NLRP7: variants seen among roughly 807,000 people sequenced by gnomAD.
NLRP7 encodes the protein NACHT, LRR and PYD domains-containing protein 7.
A neutral mutation model predicts 85.5 loss-of-function variants in NLRP7; 72 were observed. The ratio of observed to expected loss-of-function variants is 0.84; its 90% CI spans 0.70 to 1.02. The LOEUF is 1.02. Among genes scored for constraint, NLRP7 ranks in the 50% least tolerant of loss-of-function variants. The pLI is 0.00. For synonymous variants in NLRP7, 550 were observed against 505.2 expected (o/e 1.09, Z -1.19); for missense variants, 1,243 against 1,219.5 (o/e 1.02, Z -0.29).
exon 4 of NLRP7, chr19:54,939,739 G>C: frequency 6.2e-7 from 1 of 1,613,618 alleles, no homozygotes; most frequent in Non-Finnish European, 8.5e-7. Context: ...CGGGGGCCGA[G>C]CCCAGCTGGA....
rs182746154 is a variant in NLRP7 at position 54,963,727 on chromosome 19, G to A, written c.-77+2313C>T. Among the ~76,000 whole-genome samples the A allele has an allele frequency of 3.8e-4, 58 of 150,964 alleles. No individual in the cohort carries two copies. In the East Asian group the frequency reaches 6.5e-3, roughly 17 times the overall value. On this transcript the variant is annotated intron_variant, in intron 1 of 2. Transcript: ENST00000587103. Reference sequence around the variant, plus strand: ...TAATCCCAGCTATTCAGGAGGCTGAGGCAGGAGAATCGCTTGAACTCTGGA... The same window carrying A: ...TAATCCCAGCTATTCAGGAGGCTGAAGCAGGAGAATCGCTTGAACTCTGGA...
At chr19:54,941,826 C>A (rs1174116353) in intron 1 of NLRP7, 76 bp from the exon 2 acceptor site, 1 of 1,089,698 alleles carries the variant, frequency 9.2e-7, no homozygotes. Flanking sequence ...GTGCCAAGAA[C>A]AAGACTGTTC....
chr19:54,923,995 T>TCTTG (rs2068330162), intron 9 of NLRP7, 123 bp from the exon 11 acceptor site: 2 of 1,051,556 alleles, frequency 1.9e-6, no homozygotes, highest in East Asian at 5.0e-5. Context: ...GGGGACAGGG[T>TCTTG]CTTGCTCTGT....
chr19:54,928,832 C>T (rs1324200936), intron 9 of NLRP7, among the ~76,000 whole-genome samples: 1 of 151,634 alleles, frequency 6.6e-6, no homozygotes, highest in Non-Finnish European at 1.5e-5. Flanking sequence ...GGCAGAGTTT[C>T]ACTCTTGTTG....
intron 1 of NLRP7, among the ~76,000 whole-genome samples, chr19:54,960,846 C>G (rs550974967): frequency 3.3e-5 from 5 of 151,970 alleles, no homozygotes; most frequent in South Asian, 4.1e-4. Flanking sequence ...CCGCTTGCCT[C>G]GGCCTCCCAA....
intron 9 of NLRP7, 89 bp downstream of exon 10, chr19:54,927,516 A>G: frequency 7.5e-7 from 1 of 1,327,506 alleles, no homozygotes; most frequent in South Asian, 1.2e-5. Context: ...AGATTGCGCC[A>G]CTGCACTCCA....
In NLRP7 at chr19:54,937,489, C is replaced by T. The variant is rs139808846; in HGVS notation, c.2129+555G>A. Among the ~76,000 whole-genome samples the T allele has an allele frequency of 2.3e-3, 345 of 151,758 alleles. 1 individual carries two copies. Among genetic ancestry groups the T allele is most frequent in the African/African-American group, 8.1e-3 (337 of 41,384 alleles). ...GGCGCATCACCTTAGGTCAGGAGTT[C>T]GAGACAAGCCTGGCCAAGATGGAGA... On this transcript the variant is annotated intron_variant, in intron 5 of 9. Coordinates refer to ENST00000340844, the Ensembl canonical transcript of NLRP7.
chr19:54,939,799 C>G, exon 4 of NLRP7: 1 of 1,614,066 alleles, frequency 6.2e-7, no homozygotes, highest in Non-Finnish European at 8.5e-7. Flanking sequence ...TGGCTTGGTC[C>G]TCGTCTCCAA....
intron 9 of NLRP7, among the ~76,000 whole-genome samples, chr19:54,926,205 G>GGTGTGTGTGC (rs1556723469): frequency 2.8e-5 from 4 of 143,642 alleles, no homozygotes; most frequent in Non-Finnish European, 4.6e-5. Flanking sequence ...AATGATTAGG[G>GGTGTGTGTGC]GTGTGTGTGT....
At chr19:54,938,908 T>G (rs774753955) in exon 4 of NLRP7, 2 of 1,614,096 alleles carry the variant, frequency 1.2e-6, no homozygotes. Flanking sequence ...CAATGTCCAG[T>G]TCAAAATCCA....
At chr19:54,927,919 C>A in intron 9 of NLRP7, 144 bp from the exon 10 acceptor site, 1 of 746,494 alleles carries the variant, frequency 1.3e-6, no homozygotes, top group Non-Finnish European at 2.4e-6. Context: ...CGGTCAAACC[C>A]CATCTCTACT....
rs146993023 is a variant in NLRP7 at position 54,939,327 on chromosome 19, C to T, written c.1492G>A (p.Gly498Arg). 108 of 1,614,124 alleles carry T rather than the reference C, an allele frequency of 6.7e-5. No homozygotes were observed. In the African/African-American group the frequency reaches 1.1e-3, roughly 16 times the overall value. The change falls in exon 4 of 10, where the codon GGG becomes AGG. Residue 498 changes from glycine (G) to arginine (R), a missense_variant. Around this residue, in one of 3 missense-constraint regions of NLRP7, gnomAD observed 39 missense variants for 67.9 expected, o/e 0.57. Coordinates refer to ENST00000340844, the Ensembl canonical transcript of NLRP7. ...CCGGAAAGCAGCTTCTGTACGTCCC[C>T]GATGTCCCAGGCGTGGCCGTCCCTG...
chr19:54,962,664 A>G (rs2070090544), intron 1 of NLRP7, among the ~76,000 whole-genome samples: 1 of 150,114 alleles, frequency 6.7e-6, no homozygotes, highest in African/African-American at 2.5e-5. Context: ...CAGTGGCGCG[A>G]TCTCAGCTCA....
chr19:54,954,210 G>C (rs1432110276), intron 1 of NLRP7, among the ~76,000 whole-genome samples: 2 of 148,282 alleles, frequency 1.3e-5, no homozygotes, highest in Admixed American at 6.7e-5. Flanking sequence ...CCCTTGTTTA[G>C]CATATCCATA....
At chr19:54,930,232 C>A (rs186145344) in intron 9 of NLRP7, among the ~76,000 whole-genome samples, 117 of 151,946 alleles carry the variant, frequency 7.7e-4, no homozygotes, top group Admixed American at 1.4e-3. Context: ...ATTGGGAGGC[C>A]GAGGTGGGAG....
At position 54,939,221 on chromosome 19, in the gene NLRP7, T is replaced by G. The variant is rs936536509; in HGVS notation, c.1598A>C (p.Glu533Ala). 8 of 1,614,106 alleles carry G rather than the reference T, an allele frequency of 5.0e-6. No individual in the cohort carries two copies. The African/African-American group carries it at 6.7e-5, about 13-fold the overall frequency. Reference sequence around the variant, plus strand: ...CCGGCAGCCAAAAGTGGCCTCCAACTCCTTGGCTCTCTTCTCGTTAGCGAG... The same window carrying G: ...CCGGCAGCCAAAAGTGGCCTCCAACGCCTTGGCTCTCTTCTCGTTAGCGAG... Residue 533 changes from glutamate to alanine, a missense_variant, in exon 4 of 10, where the codon GAG (glutamate) becomes GCG (alanine). By Grantham distance (107) the Glu-to-Ala change is moderately radical. Coordinates refer to ENST00000340844, the Ensembl canonical transcript of NLRP7.
rs954785555 is a variant in NLRP7 at position 54,954,256 on chromosome 19, G to A, written c.-76-6751C>T. Among the ~76,000 whole-genome samples the A allele has an allele frequency of 1.7e-4, 26 of 148,716 alleles. 2 individuals are homozygous for A. The highest frequency in any genetic ancestry group is 2.5e-4 in the African/African-American group (10 of 40,406). ...TAAAAATGGGCAACCGGCCGGGCGCGGTGGTCACGCCTGTAATCCCAGCAC... is the reference window on the plus strand; with the variant it reads ...TAAAAATGGGCAACCGGCCGGGCGCAGTGGTCACGCCTGTAATCCCAGCAC... On this transcript the variant is annotated intron_variant, in intron 1 of 2. Transcript: ENST00000587103.
chr19:54,928,340 G>A (rs2068533817), intron 9 of NLRP7, among the ~76,000 whole-genome samples: 1 of 152,142 alleles, frequency 6.6e-6, no homozygotes, highest in African/African-American at 2.4e-5. Context: ...GTTGTAGTTA[G>A]CCAACATATC....
At chr19:54,939,092 T>C (rs1292138714) in exon 4 of NLRP7, 4 of 1,614,092 alleles carry the variant, frequency 2.5e-6, no homozygotes, top group Non-Finnish European at 2.5e-6. Context: ...CTGAGACTCA[T>C]ACAGGCAGCC....
Sources: allele counts gnomAD v4.1 joint callset (sites outside exome capture counted in the v4.1 genomes callset), GRCh38; gene constraint gnomAD v4.1.1; regional missense constraint gnomAD v4.1.1; transcripts MANE v1.5; gene names NCBI Gene and HGNC (gene_info 2026-07-23, HGNC 2026-07-21).